Variants in AGPAT5 observed in about 807,000 individuals in gnomAD.
The protein encoded by AGPAT5 is 1-acyl-sn-glycerol-3-phosphate acyltransferase epsilon.
Under a neutral mutation model 45.6 loss-of-function variants are expected in AGPAT5, and 46 were observed. The ratio of observed to expected loss-of-function variants is 1.01; its 90% CI spans 0.80 to 1.29. The LOEUF (loss-of-function observed/expected upper bound fraction) is 1.29. AGPAT5 is among the 50% of genes most tolerant of loss of function. The pLI is 0.00. For missense variants in AGPAT5, 673 were observed against 450.7 expected (o/e 1.49, Z -4.47); for synonymous variants, 272 against 167.0 (o/e 1.63, Z -4.85).
intron 6 of AGPAT5, 140 bp downstream of exon 6, chr8:6,747,968 T>C (rs2116947006): frequency 1.1e-6 from 1 of 937,322 alleles, no homozygotes; most frequent in Non-Finnish European, 1.5e-6. Context: ...CAAGATGTTA[T>C]TAAGATGTAA....
At chr8:6,730,601 A>G (rs1800828904) in intron 2 of AGPAT5, 110 bp from the exon 3 acceptor site, 1 of 451,518 alleles carries the variant, frequency 2.2e-6, no homozygotes. Flanking sequence ...AAGTGCTGGG[A>G]TTACAGGCGT....
intron 1 of AGPAT5, among the ~76,000 whole-genome samples, chr8:6,722,049 C>T (rs1381309891): frequency 6.6e-6 from 1 of 152,004 alleles, no homozygotes; most frequent in East Asian, 1.9e-4. Context: ...GAAAAAGTGA[C>T]TAGTCAAAGG....
intron 1 of AGPAT5, among the ~76,000 whole-genome samples, chr8:6,713,068 T>C (rs1800205190): frequency 6.6e-6 from 1 of 152,198 alleles, no homozygotes; most frequent in South Asian, 2.1e-4. Context: ...TCATTGCTCA[T>C]TGCAGCCTTG....
chr8:6,739,708 G>A (rs1378552928), intron 4 of AGPAT5, among the ~76,000 whole-genome samples: 1 of 152,030 alleles, frequency 6.6e-6, no homozygotes, highest in Non-Finnish European at 1.5e-5. Context: ...AGAAATAACA[G>A]TTTTACTTTG....
Position 6,732,561 on chromosome 8 carries a change from C to T in AGPAT5, c.406C>T (p.His136Tyr), listed in dbSNP as rs1800898099. The T allele has an allele frequency of 6.3e-7, 1 of 1,598,466 alleles. No homozygotes were observed. The highest frequency in any genetic ancestry group is 8.5e-7 in the Non-Finnish European group (1 of 1,175,626). ...CTTTCTCCCGATTTGATTGTGGCAG[C>T]ATGGAGGAATCTATGTAAAGCGCAG... is the stretch of plus-strand genomic sequence containing the variant. ...LPLYGCYFAQ[H>Y]GGIYVKRSAK... Residue 136 changes from histidine (H) to tyrosine (Y), a missense_variant and splice_region_variant, in exon 4 of 8, where the codon CAT (histidine) becomes TAT (tyrosine). By Grantham distance (83) the His-to-Tyr change is moderately conservative. Coordinates refer to ENST00000285518, the MANE Select transcript of AGPAT5 (RefSeq NM_018361.5).
At chr8:6,754,967 C>G (rs1360417455) in intron 6 of AGPAT5, 84 bp from the exon 7 acceptor site, 2 of 1,131,616 alleles carry the variant, frequency 1.8e-6, no homozygotes, top group African/African-American at 3.3e-5. Context: ...TTTTTTTGTC[C>G]TGTTACCTTA....
At chr8:6,728,528 C>G (rs1445934061) in intron 2 of AGPAT5, among the ~76,000 whole-genome samples, 2 of 152,192 alleles carry the variant, frequency 1.3e-5, no homozygotes, top group African/African-American at 4.8e-5. Context: ...TTTTGGAAAT[C>G]TTACACTTTC....
intron 4 of AGPAT5, among the ~76,000 whole-genome samples, chr8:6,734,048 T>C (rs1800959143): frequency 6.6e-6 from 1 of 152,216 alleles, no homozygotes; most frequent in Non-Finnish European, 1.5e-5. Context: ...TTAAGTATCA[T>C]ATATCTGAGT....
chr8:6,732,793 C>A (rs1484163158), intron 4 of AGPAT5, 143 bp downstream of exon 4: 2 of 749,104 alleles, frequency 2.7e-6, no homozygotes, highest in Non-Finnish European at 4.1e-6. Context: ...TAACAGAAAC[C>A]CTCTATGTAC....
At chr8:6,709,874 C>G (rs995893363) in intron 1 of AGPAT5, among the ~76,000 whole-genome samples, 2 of 152,090 alleles carry the variant, frequency 1.3e-5, no homozygotes, top group African/African-American at 4.8e-5. Context: ...TCCATTTAAA[C>G]CAGTGTCTGT....
chr8:6,727,149 T>A (rs1409888930), intron 2 of AGPAT5, among the ~76,000 whole-genome samples: 2 of 152,204 alleles, frequency 1.3e-5, no homozygotes, highest in African/African-American at 4.8e-5. Flanking sequence ...TTGTTCTGCT[T>A]AGACTTTCTA....
At chr8:6,712,784 A>C (rs1800195586) in intron 1 of AGPAT5, among the ~76,000 whole-genome samples, 1 of 152,258 alleles carries the variant, frequency 6.6e-6, no homozygotes, top group Non-Finnish European at 1.5e-5. Flanking sequence ...CTGCATAAAC[A>C]ATAACTGTAA....
At chr8:6,721,327 A>G (rs10091854) in intron 1 of AGPAT5, among the ~76,000 whole-genome samples, 3,380 of 152,332 alleles carry the variant, frequency 0.022, 125 homozygotes, top group African/African-American at 0.077. Flanking sequence ...AATTCTTTAT[A>G]GCTGTACTTC....
At chr8:6,751,661 T>G (rs1801658146) in intron 6 of AGPAT5, among the ~76,000 whole-genome samples, 1 of 152,212 alleles carries the variant, frequency 6.6e-6, no homozygotes, top group African/African-American at 2.4e-5. Context: ...CTTGTAATCA[T>G]GGAAGATGTC....
chr8:6,730,710 G>A lies in AGPAT5; in HGVS notation c.290-1G>A. The A allele has an allele frequency of 6.2e-7, 1 of 1,609,272 alleles. No individual in the cohort carries two copies. Among genetic ancestry groups the A allele is most frequent in the Non-Finnish European group, 8.5e-7 (1 of 1,176,172 alleles). ...GCGCTAACTGGGTCCTGTCTCTGCA[G>A]TTGACTGGATTGTTGCTGACATCTT... On this transcript the variant is annotated splice_acceptor_variant, in intron 2 of 7. Coordinates refer to ENST00000285518, the MANE Select transcript of AGPAT5 (RefSeq NM_018361.5). LOFTEE classifies it high-confidence loss of function.
intron 1 of AGPAT5, among the ~76,000 whole-genome samples, chr8:6,712,053 A>G (rs1344134055): frequency 6.6e-6 from 1 of 152,052 alleles, no homozygotes; most frequent in Non-Finnish European, 1.5e-5. Flanking sequence ...ACAACAATGA[A>G]CTCCATAGTT....
At position 6,732,596 on chromosome 8, in the gene AGPAT5, T is replaced by C. The variant is rs761507909; in HGVS notation, c.441T>C (p.Phe147=). Residue 147 remains phenylalanine, a synonymous_variant, in exon 4 of 8, where the codon TTT becomes TTC. Transcript: ENST00000285518. ...TCTATGTAAAGCGCAGTGCCAAATTTAACGAGAAAGAGATGCGAAACAAGT... is the reference window on the plus strand; with the variant it reads ...TCTATGTAAAGCGCAGTGCCAAATTCAACGAGAAAGAGATGCGAAACAAGT... ...GGIYVKRSAK[F]NEKEMRNKLQ... 5 of 1,611,138 alleles carry C rather than the reference T, an allele frequency of 3.1e-6. No individual in the cohort carries two copies. The South Asian group carries it at 5.5e-5, about 18-fold the overall frequency.
At chr8:6,737,707 A>G (rs969824724) in intron 4 of AGPAT5, among the ~76,000 whole-genome samples, 2 of 152,236 alleles carry the variant, frequency 1.3e-5, no homozygotes, top group Non-Finnish European at 2.9e-5. Context: ...CTGGTGGATA[A>G]GAGTATTGGT....
intron 4 of AGPAT5, among the ~76,000 whole-genome samples, chr8:6,734,956 G>T (rs1303242725): frequency 6.6e-6 from 1 of 152,032 alleles, no homozygotes; most frequent in Non-Finnish European, 1.5e-5. Flanking sequence ...CCTTGGAGTG[G>T]CTCTCTTCTT....
Sources: gnomAD v4.1 joint callset for allele counts (sites outside exome capture counted in the v4.1 genomes callset) on GRCh38, gnomAD v4.1.1 for gene constraint, MANE v1.5 for transcripts, NCBI Gene and HGNC (gene_info 2026-07-23, HGNC 2026-07-21) for gene names.